The following STAG1 variants were observed in gnomAD, a reference collection of about 807,000 sequenced individuals.
STAG1 encodes the protein cohesin subunit SA-1.
STAG1 carries 26 observed loss-of-function variants against 170.9 expected under a neutral mutation model. The ratio of observed to expected loss-of-function variants is 0.15; its 90% CI spans 0.11 to 0.21. The LOEUF (loss-of-function observed/expected upper bound fraction) is 0.21, where lower values mean the gene tolerates loss of function less well. Ranked by LOEUF, STAG1 falls within the 10% of genes least tolerant of loss-of-function variation. The pLI is 1.00. For missense variants in STAG1, 964 were observed against 1,509.5 expected (o/e 0.64, Z 5.99); for synonymous variants, 514 against 497.7 (o/e 1.03, Z -0.44).
Position 136,340,619 on chromosome 3 carries a change from G to T in STAG1, c.3558-14C>A. On this transcript the variant is annotated splice_polypyrimidine_tract_variant and intron_variant, in intron 31 of 33. Coordinates refer to ENST00000383202, the MANE Select transcript of STAG1 (RefSeq NM_005862.3). ...ATTAGACCCCGACTGGTAAGAAAAA[G>T]GTATTGTCAGAAAGCTCATCAGACT... 2 of 1,556,724 alleles carry T rather than the reference G, an allele frequency of 1.3e-6. No homozygotes were observed. Among genetic ancestry groups the T allele is most frequent in the Middle Eastern group, 3.4e-4 (2 of 5,950 alleles).
rs555739449 is a variant in STAG1, at chr3:136,505,224, TAATGTGACATCAGC to T, written c.677-2459_677-2446del. Among the ~76,000 whole-genome samples the T allele has an allele frequency of 3.2e-4, 48 of 152,352 alleles. No individual in the cohort carries two copies. In the South Asian group the frequency reaches 4.1e-3, roughly 13 times the overall value. On this transcript the variant is annotated intron_variant, in intron 7 of 33. Coordinates refer to ENST00000383202, the MANE Select transcript of STAG1 (RefSeq NM_005862.3). Reference sequence around the variant, plus strand: ...TAATCCTGCAGGAATTCAGCCATCATAATGTGACATCAGCTCTTAAGTGGCTTCTTCTTGTCTAG... The same window carrying T: ...TAATCCTGCAGGAATTCAGCCATCATTCTTAAGTGGCTTCTTCTTGTCTAG...
intron 1 of STAG1, among the ~76,000 whole-genome samples, chr3:136,692,850 T>TGTA (rs1942772171): frequency 6.6e-6 from 1 of 152,200 alleles, no homozygotes; most frequent in Non-Finnish European, 1.5e-5. Context: ...CAACAGATAT[T>TGTA]AGGCAAAAGC....
rs1037377748 is a variant in STAG1, at chr3:136,355,267, G to T, written c.3065+2453C>A. The stretch of plus-strand genomic sequence containing the variant: ...CCCAGAAGGCTGAGGCAGGAGAATC[G>T]CTGGAACCCGGGAAGCAGAGATTGC... On this transcript the variant is annotated intron_variant, in intron 28 of 33. Transcript: ENST00000383202. Among the ~76,000 whole-genome samples, 3 of 147,948 alleles carry T rather than the reference G, an allele frequency of 2.0e-5. No individual in the cohort carries two copies. In the East Asian group the frequency reaches 6.0e-4, roughly 30 times the overall value.
chr3:136,600,055 A>G (rs983842907), intron 4 of STAG1, among the ~76,000 whole-genome samples: 18 of 152,220 alleles, frequency 1.2e-4, no homozygotes, highest in Admixed American at 4.6e-4. Flanking sequence ...AGACATTTCA[A>G]TTCAGGTGTC....
chr3:136,401,684 G>A (rs2087330109), intron 21 of STAG1, among the ~76,000 whole-genome samples: 1 of 151,946 alleles, frequency 6.6e-6, no homozygotes, highest in African/African-American at 2.4e-5. Context: ...ATCTTTTACT[G>A]CATTTTTGTA....
At chr3:136,404,988 G>A (rs113194912) in intron 21 of STAG1, among the ~76,000 whole-genome samples, 103 of 151,886 alleles carry the variant, frequency 6.8e-4, no homozygotes, top group African/African-American at 2.4e-3. Context: ...TTTTTCTGTT[G>A]GCAAGAGACC....
intron 1 of STAG1, among the ~76,000 whole-genome samples, chr3:136,718,317 A>G (rs1932984951): frequency 6.6e-6 from 1 of 152,196 alleles, no homozygotes; most frequent in Non-Finnish European, 1.5e-5. Flanking sequence ...TGAGGAGGCA[A>G]TAAACTATTT....
intron 1 of STAG1, among the ~76,000 whole-genome samples, chr3:136,648,672 C>CA (rs1311935219): frequency 6.6e-6 from 1 of 152,158 alleles, no homozygotes; most frequent in Non-Finnish European, 1.5e-5. Flanking sequence ...ACCCTGAAAT[C>CA]AGTCTTGATT....
chr3:136,380,320 C>T (rs1199340288), intron 22 of STAG1, among the ~76,000 whole-genome samples: 1 of 151,926 alleles, frequency 6.6e-6, no homozygotes, highest in African/African-American at 2.4e-5. Flanking sequence ...TGGCCCACTG[C>T]AGCCTCTGTC....
chr3:136,548,235 C>T (rs1299594463), intron 5 of STAG1, among the ~76,000 whole-genome samples: 9 of 151,864 alleles, frequency 5.9e-5, no homozygotes, highest in Non-Finnish European at 1.2e-4. Context: ...CACCTCACCT[C>T]CCAAGTAGCT....
chr3:136,579,417 T>G (rs914832958), intron 4 of STAG1, among the ~76,000 whole-genome samples: 6 of 152,218 alleles, frequency 3.9e-5, no homozygotes, highest in Admixed American at 2.6e-4. Context: ...AGGGTCTCAT[T>G]AGGCTGCAAT....
In STAG1 at chr3:136,463,196, T is replaced by C. The variant is rs151006381; in HGVS notation, c.1313+1685A>G. 8.1e-3 allele frequency among the ~76,000 whole-genome samples: 1,240 copies of C among 152,298 alleles called. 5 individuals carry two copies. Among genetic ancestry groups the C allele is most frequent in the Non-Finnish European group, 0.014 (932 of 68,038 alleles). On this transcript the variant is annotated intron_variant, in intron 13 of 33. Coordinates refer to ENST00000383202, the MANE Select transcript of STAG1 (RefSeq NM_005862.3). Reference sequence around the variant, plus strand: ...AAGTCATGCCTGAAAACCTTGACTTTCTTCCTCTTCATTTCCTTTGCCAGC... The same window carrying C: ...AAGTCATGCCTGAAAACCTTGACTTCCTTCCTCTTCATTTCCTTTGCCAGC...
At chr3:136,417,681 C>A in intron 21 of STAG1, 1 of 452,358 alleles carries the variant, frequency 2.2e-6, no homozygotes, top group Non-Finnish European at 3.9e-6. Context: ...TATGTTATAG[C>A]AAAAGTTTTT....
At chr3:136,478,202 G>A (rs1326936459) in intron 9 of STAG1, among the ~76,000 whole-genome samples, 1 of 152,100 alleles carries the variant, frequency 6.6e-6, no homozygotes, top group Non-Finnish European at 1.5e-5. Flanking sequence ...AGGCTGAGAC[G>A]GAAGAATCCA....
At chr3:136,543,022 G>A (rs1246810287) in intron 5 of STAG1, among the ~76,000 whole-genome samples, 4 of 152,034 alleles carry the variant, frequency 2.6e-5, no homozygotes, top group Non-Finnish European at 5.9e-5. Context: ...CAAAAAATAA[G>A]CTATCTATGG....
intron 21 of STAG1, among the ~76,000 whole-genome samples, chr3:136,406,424 T>C (rs972073454): frequency 6.6e-6 from 1 of 152,176 alleles, no homozygotes; most frequent in Non-Finnish European, 1.5e-5. Flanking sequence ...TATAAAAGGA[T>C]AGCATGAAGA....
intron 3 of STAG1, among the ~76,000 whole-genome samples, chr3:136,620,849 T>C (rs972137068): frequency 1.3e-5 from 2 of 152,252 alleles, no homozygotes; most frequent in African/African-American, 4.8e-5. Context: ...CTAGATTATG[T>C]AGTAGTAACT....
chr3:136,671,747 T>C (rs1941986972), intron 1 of STAG1, among the ~76,000 whole-genome samples: 1 of 152,014 alleles, frequency 6.6e-6, no homozygotes, highest in South Asian at 2.1e-4. Flanking sequence ...CTGGGCATGG[T>C]GGTGTGCACC....
intron 5 of STAG1, among the ~76,000 whole-genome samples, chr3:136,551,517 C>T (rs1329646200): frequency 1.3e-5 from 2 of 149,590 alleles, no homozygotes; most frequent in South Asian, 2.1e-4. Flanking sequence ...TCAACTGAAG[C>T]GATGCCCCCA....
Sources: allele counts gnomAD v4.1 joint callset (sites outside exome capture counted in the v4.1 genomes callset), GRCh38; gene constraint gnomAD v4.1.1; transcripts MANE v1.5; gene names NCBI Gene and HGNC (gene_info 2026-07-23, HGNC 2026-07-21).